CNKSR2: variants seen among roughly 807,000 people sequenced by gnomAD.
The protein encoded by CNKSR2 is connector enhancer of kinase suppressor of Ras 2, also known as CNK homolog protein 2.
CNKSR2 carries 14 observed loss-of-function variants against 84.4 expected under a neutral mutation model. That is an observed-to-expected ratio of 0.17 (90% CI 0.11 to 0.26). CNKSR2 has a LOEUF of 0.26. Ranked by LOEUF, CNKSR2 falls within the 10% of genes least tolerant of loss-of-function variation. CNKSR2 has a pLI of 1.00. For synonymous variants in CNKSR2, 275 were observed against 277.9 expected (o/e 0.99, Z 0.10); for missense variants, 485 against 771.2 (o/e 0.63, Z 4.40).
chrX:21,597,608 T>G (rs1032248953), intron 17 of CNKSR2, among the ~76,000 whole-genome samples: 3 of 110,734 alleles, frequency 2.7e-5, no homozygotes, highest in Non-Finnish European at 5.7e-5. Flanking sequence ...TAATTACTTG[T>G]TAATAGAAGG....
intron 11 of CNKSR2, among the ~76,000 whole-genome samples, chrX:21,535,663 A>G (rs922664588): frequency 2.7e-5 from 3 of 109,812 alleles, no homozygotes; most frequent in Non-Finnish European, 5.7e-5. Flanking sequence ...ATTTTTTTTC[A>G]GATAGTTTGT....
intron 1 of CNKSR2, among the ~76,000 whole-genome samples, chrX:21,382,395 A>G (rs1166903487): frequency 8.9e-6 from 1 of 111,798 alleles, no homozygotes; most frequent in African/African-American, 3.2e-5. Context: ...ACTTAGTAAG[A>G]CAACATGATA....
chrX:21,481,829 G>A (rs1232382570), intron 5 of CNKSR2, among the ~76,000 whole-genome samples: 1 of 111,907 alleles, frequency 8.9e-6, no homozygotes, highest in Non-Finnish European at 1.9e-5. Flanking sequence ...ATCTCCAGAT[G>A]ACAGCCAACA....
At chrX:21,471,481 C>T (rs1182750314) in intron 5 of CNKSR2, among the ~76,000 whole-genome samples, 1 of 111,899 alleles carries the variant, frequency 8.9e-6, no homozygotes, top group Non-Finnish European at 1.9e-5. Flanking sequence ...AGGTACTAGG[C>T]GGTGAAGATC....
intron 13 of CNKSR2, among the ~76,000 whole-genome samples, chrX:21,586,052 T>C (rs2092385724): frequency 1.8e-5 from 2 of 111,094 alleles, no homozygotes; most frequent in South Asian, 3.9e-4. Flanking sequence ...AAATGAAATC[T>C]AATCTCCAGG....
At chrX:21,483,593 A>AAAAT (rs1302410658) in intron 5 of CNKSR2, among the ~76,000 whole-genome samples, 1 of 98,750 alleles carries the variant, frequency 1.0e-5, no homozygotes, top group Non-Finnish European at 2.0e-5. Context: ...AGTATAATAA[A>AAAAT]ATATATATAT....
chrX:21,406,925 G>A (rs931282116), intron 1 of CNKSR2, among the ~76,000 whole-genome samples: 4 of 111,734 alleles, frequency 3.6e-5, no homozygotes, highest in African/African-American at 6.5e-5. Flanking sequence ...TTTAAAAAAC[G>A]AAAGTTGTTC....
intron 13 of CNKSR2, among the ~76,000 whole-genome samples, chrX:21,587,571 G>A (rs2147243341): frequency 9.0e-6 from 1 of 111,275 alleles, no homozygotes; most frequent in African/African-American, 3.3e-5. Context: ...TATTAAATTT[G>A]CATAATCTTA....
chrX:21,432,353 G>T (rs2090644657), intron 2 of CNKSR2, among the ~76,000 whole-genome samples: 1 of 111,130 alleles, frequency 9.0e-6, no homozygotes, highest in Non-Finnish European at 1.9e-5. Context: ...GCTTTCTTGG[G>T]TAGCATAGTT....
Position 21,400,631 on chromosome X carries a change from G to A in CNKSR2, c.64+25670G>A, listed in dbSNP as rs150567040. On this transcript the variant is annotated intron_variant, in intron 1 of 21. Transcript: ENST00000379510. ...AGGGGCACGGCCAGAAATATTGTAG[G>A]TCTCCTTTTTTTTCCTCTTCCTCCT... Among the ~76,000 whole-genome samples, 557 of 110,827 alleles carry A rather than the reference G, an allele frequency of 5.0e-3. 2 individuals carry two copies. Among genetic ancestry groups the A allele is most frequent in the African/African-American group, 0.016 (495 of 30,682 alleles).
rs1052840262 is a variant in CNKSR2, at chrX:21,487,559, T to C, written c.562-2900T>C. ...TCGTACCCTTCAGATTAGCATGCTA[T>C]CCAAGTATCCTGTATAGAAACCCTT... On this transcript the variant is annotated intron_variant, in intron 5 of 21. Transcript: ENST00000379510. 3.6e-5 allele frequency among the ~76,000 whole-genome samples: 4 copies of C among 112,011 alleles called. No homozygotes were observed. The Admixed American group carries it at 3.8e-4, about 11-fold the overall frequency.
At chrX:21,492,583 T>G (rs1177027120) in intron 6 of CNKSR2, 6 of 106,119 alleles carry the variant, frequency 5.7e-5, no homozygotes, top group African/African-American at 2.3e-4. Flanking sequence ...AAATTTTGAA[T>G]TGCTAAACAG....
chrX:21,458,657 A>G (rs746908268), intron 4 of CNKSR2, among the ~76,000 whole-genome samples: 2 of 111,739 alleles, frequency 1.8e-5, no homozygotes, highest in Non-Finnish European at 3.8e-5. Flanking sequence ...CATTTGTCAC[A>G]TAGTGTATGT....
Position 21,375,016 on chromosome X carries a change from G to A in CNKSR2, c.64+55G>A, listed in dbSNP as rs899498257. ...GCACTGGGGCGCGGGGCACCAGTGC[G>A]AGGTTAGGAGGGGGCGCCCGCCGCG... On this transcript the variant is annotated intron_variant, in intron 1 of 21. Coordinates refer to ENST00000379510, the MANE Select transcript of CNKSR2 (RefSeq NM_014927.5). 4.0e-6 allele frequency: 4 copies of A among 1,010,264 alleles called. No individual in the cohort carries two copies. In the Admixed American group the frequency reaches 6.7e-5, roughly 17 times the overall value. 83.3% of individuals were successfully genotyped at this position (1,010,264 alleles called of 1,213,427 possible). A position where few individuals can be genotyped will look rare whatever the true frequency, so the allele number is the denominator to read the frequency against.
intron 13 of CNKSR2, among the ~76,000 whole-genome samples, chrX:21,573,627 G>T (rs776102661): frequency 7.1e-5 from 8 of 111,997 alleles, no homozygotes; most frequent in Non-Finnish European, 1.5e-4. Flanking sequence ...TGAAGCCATG[G>T]CCCAACCTAT....
At position 21,634,075 on chromosome X, in the gene CNKSR2, TTTC is replaced by T. The variant is rs768583808; in HGVS notation, c.2693-14750_2693-14748del. Among the ~76,000 whole-genome samples the T allele has an allele frequency of 2.1e-3, 241 of 112,365 alleles. 1 individual carries two copies. Among genetic ancestry groups the T allele is most frequent in the African/African-American group, 7.3e-3 (227 of 31,038 alleles). ...TAGTGATTTTTACCAAATTAATGTT[TTTC>T]TTCTTGTCATGTACACAACATATTT... On this transcript the variant is annotated intron_variant, in intron 20 of 21. Transcript: ENST00000379510.
chrX:21,460,114 G>A (rs772737523), intron 4 of CNKSR2, among the ~76,000 whole-genome samples: 12 of 111,994 alleles, frequency 1.1e-4, no homozygotes, highest in African/African-American at 3.9e-4. Flanking sequence ...AGTCATCATT[G>A]TTGTTTTCTT....
chrX:21,635,406 G>A (rs763307458), intron 20 of CNKSR2, among the ~76,000 whole-genome samples: 152 of 98,516 alleles, frequency 1.5e-3, no homozygotes, highest in African/African-American at 5.0e-3. Flanking sequence ...GTGTGTGTGT[G>A]TGTATATATA....
In CNKSR2 at chrX:21,541,833, T is replaced by C. The variant is rs191745559; in HGVS notation, c.1303+9766T>C. 1.9e-4 allele frequency among the ~76,000 whole-genome samples: 21 copies of C among 112,440 alleles called. 2 individuals carry two copies. Among genetic ancestry groups the C allele is most frequent in the Admixed American group, 1.8e-3 (19 of 10,598 alleles). ...AATAACTTACCCAACTAGTAAGTGATAGAGCTAGGATTAAGTACTCATGGA... is the reference window on the plus strand; with the variant it reads ...AATAACTTACCCAACTAGTAAGTGACAGAGCTAGGATTAAGTACTCATGGA... On this transcript the variant is annotated intron_variant, in intron 11 of 21. Transcript: ENST00000379510.
Sources: gnomAD v4.1 joint callset for allele counts (sites outside exome capture counted in the v4.1 genomes callset) on GRCh38, gnomAD v4.1.1 for gene constraint, MANE v1.5 for transcripts, NCBI Gene and HGNC (gene_info 2026-07-23, HGNC 2026-07-21) for gene names.